ITIH5: variants seen among roughly 807,000 people sequenced by gnomAD.
The protein encoded by ITIH5 is inter-alpha-trypsin inhibitor heavy chain 5.
A neutral mutation model predicts 77.5 loss-of-function variants in ITIH5; 65 were observed. The ratio of observed to expected loss-of-function variants is 0.84; its 90% CI spans 0.69 to 1.03. ITIH5 has a LOEUF of 1.03. ITIH5 is among the 50% of genes least tolerant of loss of function. The pLI is 0.00. For missense variants in ITIH5, 1,208 were observed against 1,213.1 expected, an observed-to-expected ratio of 1.00 and a Z score of 0.06; for synonymous variants, 525 against 494.3, an observed-to-expected ratio of 1.06 and a Z score of -0.82.
intron 1 of ITIH5, among the ~76,000 whole-genome samples, chr10:7,665,768 C>T (rs1834351734): frequency 2.0e-5 from 3 of 152,228 alleles, no homozygotes; most frequent in Non-Finnish European, 4.4e-5. Context: ...TAAAGCCCAG[C>T]CTGTCTCTGC....
chr10:7,592,715 G>C (rs543897909), intron 7 of ITIH5, among the ~76,000 whole-genome samples: 1 of 152,212 alleles, frequency 6.6e-6, no homozygotes, highest in African/African-American at 2.4e-5. Context: ...AGGCAGGGGC[G>C]GCCTCAGCCA....
At position 7,562,686 on chromosome 10, in the gene ITIH5, G is replaced by T; in HGVS notation, c.*397C>A. ...GGCAAAAAGCAGAGTGCCTAAACTT[G>T]TCCATTTCCACCAAGAAAAAAAGTT... On this transcript the variant is annotated 3_prime_UTR_variant, in exon 14 of 14. Coordinates refer to ENST00000397146, the MANE Select transcript of ITIH5 (RefSeq NM_030569.7). 1 of 216,686 alleles carries T rather than the reference G, an allele frequency of 4.6e-6. No individual in the cohort carries two copies. The highest frequency in any genetic ancestry group is 9.3e-6 in the Non-Finnish European group (1 of 106,976). 13.4% of individuals were successfully genotyped at this position (216,686 alleles called of 1,614,324 possible).
chr10:7,566,130 G>A lies in ITIH5; in HGVS notation c.2427C>T (p.Leu809=), dbSNP rs372080524. The A allele has an allele frequency of 6.2e-6, 10 of 1,614,030 alleles. No homozygotes were observed. In the African/African-American group the frequency reaches 9.3e-5, roughly 15 times the overall value. ...TIQGSIAFVI[L]IHLYKKPAPF... is the part of the protein sequence containing the mutation. ...GCGCCGGCTTTTTGTAGAGGTGGAT[G>A]AGGATGACAAAGGCTATGGAGCCCT... The change falls in exon 13 of 14, where the codon CTC becomes CTT. Residue 809 remains leucine, a synonymous_variant. Coordinates refer to ENST00000397146, the MANE Select transcript of ITIH5 (RefSeq NM_030569.7).
intron 12 of ITIH5, among the ~76,000 whole-genome samples, chr10:7,566,872 GAAGAAGAAGAA>G (rs1832191633): frequency 9.2e-6 from 1 of 109,184 alleles, no homozygotes; most frequent in Non-Finnish European, 1.8e-5. Flanking sequence ...AGAAGAAGAA[GAAGAAGAAGAA>G]GAAGAAGAAG....
At chr10:7,637,109 C>T in intron 5 of ITIH5, 119 bp downstream of exon 5, 1 of 1,299,452 alleles carries the variant, frequency 7.7e-7, no homozygotes, top group Non-Finnish European at 1.1e-6. Context: ...CCAGTTCCTA[C>T]AAAAATGCAA....
intron 11 of ITIH5, chr10:7,572,042 A>G: frequency 2.0e-6 from 2 of 1,011,982 alleles, no homozygotes; most frequent in Non-Finnish European, 2.4e-6. Context: ...GCTCCAAAAA[A>G]GAGGGGAGGG....
At chr10:7,628,002 C>T (rs1362974392) in intron 5 of ITIH5, among the ~76,000 whole-genome samples, 1 of 151,854 alleles carries the variant, frequency 6.6e-6, no homozygotes, top group Non-Finnish European at 1.5e-5. Flanking sequence ...CCACCAAGCC[C>T]AGCTCGTTTT....
rs1328148603 is a variant in ITIH5, at chr10:7,637,280, C to T, written c.600G>A (p.Leu200=). Residue 200 remains leucine (L), a synonymous_variant, in exon 5 of 14, where the codon CTG becomes CTA. Coordinates refer to ENST00000397146, the MANE Select transcript of ITIH5 (RefSeq NM_030569.7). The stretch of plus-strand genomic sequence containing the variant: ...TGCTGTTGTGAAGCGGCAGCACCTC[C>T]AGGGATGCGATGCCCGCGCTCTCCA... ...NILESAGIAS[L]EVLPLHNSRQ... is the part of the protein sequence containing the mutation. 1.9e-6 allele frequency: 3 copies of T among 1,612,320 alleles called. No homozygotes were observed. Among genetic ancestry groups the T allele is most frequent in the Middle Eastern group, 3.3e-4 (2 of 6,062 alleles).
At chr10:7,579,703 A>AC (rs1334932670) in intron 9 of ITIH5, 52 bp downstream of exon 9, 7 of 1,565,458 alleles carry the variant, frequency 4.5e-6, no homozygotes, top group Admixed American at 1.7e-5. Flanking sequence ...CACCGCAGCC[A>AC]CCCCTCAGCC....
chr10:7,583,553 C>T (rs11255203), intron 8 of ITIH5, among the ~76,000 whole-genome samples: 1,704 of 152,238 alleles, frequency 0.011, 42 homozygotes, highest in African/African-American at 0.038. Flanking sequence ...AGGCTGGTCT[C>T]GAGCTCCCGA....
intron 5 of ITIH5, among the ~76,000 whole-genome samples, chr10:7,634,158 A>G (rs1359701493): frequency 7.2e-5 from 11 of 152,036 alleles, no homozygotes; most frequent in Admixed American, 6.6e-4. Flanking sequence ...ATTTACTTAG[A>G]CAAATTCCAG....
At position 7,580,111 on chromosome 10, in the gene ITIH5, C is replaced by T. The variant is rs371138491; in HGVS notation, c.1109-47G>A. ...CAGCTCAAGCCTCTGCACTCACCTC[C>T]GCACTCTGATTGCACTTTCTTTTTT... On this transcript the variant is annotated intron_variant, in intron 8 of 13. Coordinates refer to ENST00000397146, the MANE Select transcript of ITIH5 (RefSeq NM_030569.7). 382 of 1,480,574 alleles carry T rather than the reference C, an allele frequency of 2.6e-4. 1 individual carries two copies. The African/African-American group carries it at 5.0e-3, about 19-fold the overall frequency. The allele number at this position is 1,480,574 out of a possible 1,614,324, so 91.7% of individuals were successfully genotyped here.
chr10:7,567,818 G>A (rs975365452), intron 12 of ITIH5, among the ~76,000 whole-genome samples: 11 of 152,278 alleles, frequency 7.2e-5, no homozygotes, highest in African/African-American at 2.6e-4. Flanking sequence ...AGATTGCAGT[G>A]AGCTGAGATG....
At chr10:7,579,618 C>A in intron 9 of ITIH5, 137 bp downstream of exon 9, 1 of 813,912 alleles carries the variant, frequency 1.2e-6, no homozygotes, top group East Asian at 2.6e-5. Context: ...GGTGACACCT[C>A]CCATTGCAAT....
chr10:7,586,155 G>A (rs1161084994), intron 7 of ITIH5, 86 bp from the exon 8 acceptor site: 3 of 1,230,230 alleles, frequency 2.4e-6, no homozygotes, highest in Admixed American at 2.7e-5. Flanking sequence ...CCGCCCCCCA[G>A]GAAAAATGTC....
At chr10:7,653,124 G>A (rs1834127147) in intron 2 of ITIH5, among the ~76,000 whole-genome samples, 1 of 152,188 alleles carries the variant, frequency 6.6e-6, no homozygotes, top group Admixed American at 6.5e-5. Flanking sequence ...AGAAATGTGT[G>A]TATTCATCAT....
chr10:7,644,635 CATATATATCAT>C (rs1564277777), intron 2 of ITIH5, among the ~76,000 whole-genome samples: 2 of 73,778 alleles, frequency 2.7e-5, no homozygotes, highest in East Asian at 3.5e-4. Flanking sequence ...ACATATATCA[CATATATATCAT>C]ATATATCACA....
chr10:7,573,179 C>T lies in ITIH5; in HGVS notation c.1995G>A (p.Lys665=). Reference sequence around the variant, plus strand: ...AGATTTTAATTCTTGGCTGGTATGGCTTCTTGAGCAAAGGTCCTAAAAGGG... The same window carrying T: ...AGATTTTAATTCTTGGCTGGTATGGTTTCTTGAGCAAAGGTCCTAAAAGGG... ...AGTQPGPLLK[K]PYQPRIKISK... Residue 665 remains lysine (K), a synonymous_variant, in exon 11 of 14, where the codon AAG becomes AAA. Transcript: ENST00000397146. 1 of 1,613,622 alleles carries T rather than the reference C, an allele frequency of 6.2e-7. No individual in the cohort carries two copies. Among genetic ancestry groups the T allele is most frequent in the Non-Finnish European group, 8.5e-7 (1 of 1,179,654 alleles).
Position 7,559,873 on chromosome 10 carries a change from A to T in ITIH5, c.*3210T>A. On this transcript the variant is annotated 3_prime_UTR_variant, in exon 14 of 14. Coordinates refer to ENST00000397146, the MANE Select transcript of ITIH5 (RefSeq NM_030569.7). ...TTTTGTTTTGTTTTGTTTTTTTTTG[A>T]CGGAGTTTGGCTCTGTCACTCCAGC... 2.2e-6 allele frequency: 1 copy of T among 450,074 alleles called. No individual in the cohort carries two copies. The highest frequency in any genetic ancestry group is 1.6e-5 in the South Asian group (1 of 64,118). The allele number at this position is 450,074 out of a possible 1,614,324, so 27.9% of individuals were successfully genotyped here. A position where few individuals can be genotyped will look rare whatever the true frequency, so the allele number is the denominator to read the frequency against.
Sources: gnomAD v4.1 joint callset for allele counts (sites outside exome capture counted in the v4.1 genomes callset) on GRCh38, gnomAD v4.1.1 for gene constraint, MANE v1.5 for transcripts, NCBI Gene and HGNC (gene_info 2026-07-23, HGNC 2026-07-21) for gene names.